Variants in RAPGEF6 observed in about 807,000 individuals in gnomAD.
RAPGEF6 encodes the protein PDZ domain containing guanine nucleotide exchange factor (GEF) 2.
A neutral mutation model predicts 171.4 loss-of-function variants in RAPGEF6; 56 were observed. The ratio of observed to expected loss-of-function variants is 0.33; its 90% CI spans 0.26 to 0.41. The LOEUF (loss-of-function observed/expected upper bound fraction) is 0.41, where lower values mean the gene tolerates loss of function less well. RAPGEF6 is among the 10% of genes least tolerant of loss of function. RAPGEF6 has a pLI of 1.00. For synonymous variants in RAPGEF6, 692 were observed against 650.1 expected, an observed-to-expected ratio of 1.06 and a Z score of -0.98; for missense variants, 1,674 against 1,921.4, an observed-to-expected ratio of 0.87 and a Z score of 2.41.
intron 6 of RAPGEF6, among the ~76,000 whole-genome samples, chr5:131,539,731 G>T (rs191782462): frequency 6.6e-6 from 1 of 152,280 alleles, no homozygotes; most frequent in Admixed American, 6.5e-5. Context: ...TTATTGAGCT[G>T]CATTGACAAA....
At chr5:131,452,141 A>G (rs1324546967) in intron 21 of RAPGEF6, among the ~76,000 whole-genome samples, 1 of 151,176 alleles carries the variant, frequency 6.6e-6, no homozygotes, top group Non-Finnish European at 1.5e-5. Context: ...AATGGCGTGA[A>G]CCCGGGAGGC....
At chr5:131,566,183 A>C (rs1761922825) in intron 4 of RAPGEF6, among the ~76,000 whole-genome samples, 1 of 151,924 alleles carries the variant, frequency 6.6e-6, no homozygotes, top group African/African-American at 2.4e-5. Flanking sequence ...TCAGGGATAC[A>C]AATTTAAAAA....
At chr5:131,460,735 C>A (rs1393337572) in intron 19 of RAPGEF6, among the ~76,000 whole-genome samples, 2 of 152,148 alleles carry the variant, frequency 1.3e-5, no homozygotes, top group Non-Finnish European at 2.9e-5. Context: ...ATTCAATACT[C>A]CTAGAGTGTT....
chr5:131,492,005 T>C (rs1483132736), intron 14 of RAPGEF6, among the ~76,000 whole-genome samples: 2 of 152,188 alleles, frequency 1.3e-5, no homozygotes, highest in African/African-American at 2.4e-5. Context: ...CAGATCACAT[T>C]TGGAATAGGC....
intron 4 of RAPGEF6, among the ~76,000 whole-genome samples, chr5:131,568,097 A>G (rs1762057912): frequency 6.6e-6 from 1 of 152,196 alleles, no homozygotes; most frequent in Admixed American, 6.5e-5. Context: ...TATACAGCAG[A>G]TAATAGGATT....
At chr5:131,589,814 AG>A (rs1292140451) in intron 4 of RAPGEF6, among the ~76,000 whole-genome samples, 1 of 152,094 alleles carries the variant, frequency 6.6e-6, no homozygotes, top group Non-Finnish European at 1.5e-5. Flanking sequence ...CATCCTGGTA[AG>A]GGGGGTCTCC....
chr5:131,605,809 A>T (rs1291656), intron 1 of RAPGEF6, among the ~76,000 whole-genome samples: 148,062 of 151,948 alleles, frequency 0.97, 72,163 homozygotes, highest in East Asian at 1. Context: ...GGCGGGCGGA[A>T]CATGAGGTCA....
At chr5:131,532,276 A>G (rs1200588906) in intron 6 of RAPGEF6, 1 of 264,572 alleles carries the variant, frequency 3.8e-6, no homozygotes, top group Non-Finnish European at 7.7e-6. Context: ...ATATAAAGGC[A>G]GCCTCTCCAA....
intron 20 of RAPGEF6, among the ~76,000 whole-genome samples, chr5:131,454,167 G>A (rs1199855741): frequency 6.6e-6 from 1 of 152,156 alleles, no homozygotes; most frequent in Non-Finnish European, 1.5e-5. Context: ...TCCAATGCTT[G>A]GTTGAAACTC....
At chr5:131,472,565 TA>T in intron 17 of RAPGEF6, 21 bp downstream of exon 17, 1 of 1,607,246 alleles carries the variant, frequency 6.2e-7, no homozygotes, top group Non-Finnish European at 8.5e-7. Flanking sequence ...TACGGCAATA[TA>T]AAATCACATA....
chr5:131,571,731 C>CG (rs1253289020), intron 4 of RAPGEF6, among the ~76,000 whole-genome samples: 1 of 152,058 alleles, frequency 6.6e-6, no homozygotes, highest in Non-Finnish European at 1.5e-5. Context: ...AGAAATCATA[C>CG]GGAACTGCAA....
intron 21 of RAPGEF6, chr5:131,449,928 C>T: frequency 1.5e-6 from 2 of 1,301,284 alleles, no homozygotes; most frequent in Non-Finnish European, 2.1e-6. Context: ...TAATAGAATT[C>T]ATGCTATTTT....
At chr5:131,627,180 TGA>T (rs751664336) in intron 1 of RAPGEF6, among the ~76,000 whole-genome samples, 4 of 152,182 alleles carry the variant, frequency 2.6e-5, no homozygotes, top group Non-Finnish European at 5.9e-5. Context: ...CAACAGATTA[TGA>T]AGGAAGAGGA....
chr5:131,566,458 A>C (rs1210055158), intron 4 of RAPGEF6, among the ~76,000 whole-genome samples: 1 of 152,168 alleles, frequency 6.6e-6, no homozygotes, highest in East Asian at 1.9e-4. Context: ...AAATACTTTA[A>C]ATATAAACCA....
chr5:131,457,330 C>G (rs1322916346), intron 19 of RAPGEF6, among the ~76,000 whole-genome samples: 2 of 152,184 alleles, frequency 1.3e-5, no homozygotes, highest in Admixed American at 1.3e-4. Flanking sequence ...CTTGGCTTCC[C>G]AAAGTGCTGA....
At chr5:131,594,223 T>C (rs1763756340) in intron 3 of RAPGEF6, among the ~76,000 whole-genome samples, 1 of 152,240 alleles carries the variant, frequency 6.6e-6, no homozygotes, top group South Asian at 2.1e-4. Flanking sequence ...CTCATGATAG[T>C]GAGCTCTCAC....
intron 6 of RAPGEF6, among the ~76,000 whole-genome samples, chr5:131,521,984 G>T (rs1293209220): frequency 6.6e-6 from 1 of 151,420 alleles, no homozygotes; most frequent in Non-Finnish European, 1.5e-5. Context: ...CAATATCTTG[G>T]AATCAAGTTC....
intron 5 of RAPGEF6, among the ~76,000 whole-genome samples, chr5:131,553,785 C>T (rs1218869181): frequency 1.3e-5 from 2 of 151,378 alleles, no homozygotes; most frequent in Non-Finnish European, 2.9e-5. Context: ...AATGAAGGAA[C>T]TGAATGGTAT....
chr5:131,532,539 T>G (rs985911664), intron 6 of RAPGEF6, among the ~76,000 whole-genome samples: 3 of 152,176 alleles, frequency 2.0e-5, no homozygotes, highest in Non-Finnish European at 2.9e-5. Context: ...CTTTCCTCTC[T>G]GTAATATAGC....
Sources: gnomAD v4.1 joint callset for allele counts (sites outside exome capture counted in the v4.1 genomes callset) on GRCh38, gnomAD v4.1.1 for gene constraint, MANE v1.5 for transcripts, NCBI Gene and HGNC (gene_info 2026-07-23, HGNC 2026-07-21) for gene names.